The following CHTF8 variants were observed in gnomAD, a reference collection of about 807,000 sequenced individuals.
The protein encoded by CHTF8 is chromosome transmission fidelity protein 8 homolog.
Under a neutral mutation model 11.0 loss-of-function variants are expected in CHTF8, and 6 were observed. The observed-to-expected ratio is 0.55, with a 90% CI of 0.30 to 1.08. The LOEUF (loss-of-function observed/expected upper bound fraction) is 1.08, where lower values mean the gene tolerates loss of function less well. CHTF8 is among the 50% of genes least tolerant of loss of function. The pLI is 0.07. For synonymous variants in CHTF8, 53 were observed against 60.5 expected, an observed-to-expected ratio of 0.88 and a Z score of 0.57; for missense variants, 140 against 153.1, an observed-to-expected ratio of 0.91 and a Z score of 0.45.
chr16:69,119,113 A>G lies in CHTF8; in HGVS notation c.*1312T>C. The G allele has an allele frequency of 1.4e-6, 1 of 703,046 alleles. No individual in the cohort carries two copies. 43.6% of individuals were successfully genotyped at this position (703,046 alleles called of 1,614,324 possible). On this transcript the variant is annotated 3_prime_UTR_variant, in exon 4 of 4. Coordinates refer to ENST00000448552, the MANE Select transcript of CHTF8 (RefSeq NM_001039690.5). ...CCCGGCAGCTGGCCTGGGGAAAGTA[A>G]CTTGACCAGGGCCTAATGGGCCAGT...
Position 69,118,141 on chromosome 16 carries a change from T to TCC in CHTF8, c.*2282_*2283dup. 1 of 219,376 alleles carries TCC rather than the reference T, an allele frequency of 4.6e-6. No individual in the cohort carries two copies. The highest frequency in any genetic ancestry group is 9.3e-6 in the Non-Finnish European group (1 of 107,938). 13.6% of individuals were successfully genotyped at this position (219,376 alleles called of 1,614,324 possible). A position where few individuals can be genotyped will look rare whatever the true frequency, so the allele number is the denominator to read the frequency against. On this transcript the variant is annotated 3_prime_UTR_variant, in exon 4 of 4. Transcript: ENST00000448552. ...CTTCATCCCCCACCCCCACCCTAAT[T>TCC]CCCATATTCCCATCCACATCAGTTT... is the stretch of plus-strand genomic sequence containing the variant.
intron 1 of CHTF8, among the ~76,000 whole-genome samples, chr16:69,121,938 G>T (rs1961703961): frequency 6.6e-6 from 1 of 152,024 alleles, no homozygotes; most frequent in Non-Finnish European, 1.5e-5. Context: ...CAAAGTGCTG[G>T]GATTACAGGT....
chr16:69,121,001 G>A (rs1316498035), intron 3 of CHTF8, 52 bp downstream of exon 3: 1 of 1,473,286 alleles, frequency 6.8e-7, no homozygotes, highest in Admixed American at 1.7e-5. Context: ...GCACCACCTT[G>A]GTGTAGCTTG....
chr16:69,122,651 G>A (rs1036204445), intron 1 of CHTF8, among the ~76,000 whole-genome samples: 2 of 150,724 alleles, frequency 1.3e-5, no homozygotes, highest in Non-Finnish European at 2.9e-5. Flanking sequence ...AGTGATTCTC[G>A]TGCTTCAGCC....
At chr16:69,121,414 TA>T in intron 2 of CHTF8, 21 bp downstream of exon 2, 1 of 1,596,284 alleles carries the variant, frequency 6.3e-7, no homozygotes. Context: ...AGCCAAATTT[TA>T]AAATCTCAAA....
In CHTF8 at chr16:69,120,771, A is replaced by C. The variant is rs1961594244; in HGVS notation, c.142-122T>G. On this transcript the variant is annotated intron_variant, in intron 3 of 3. Transcript: ENST00000448552. This position sits in a 1 kb window ranked among gnomAD's most constrained non-coding sequence, Gnocchi z 4.0. Reference sequence around the variant, plus strand: ...CTCCAATCCCTGGTCTGGCTCTGCCATTGTTGAGCAGCCACACTGGACCAC... The same window carrying C: ...CTCCAATCCCTGGTCTGGCTCTGCCCTTGTTGAGCAGCCACACTGGACCAC... The C allele has an allele frequency of 4.6e-6, 4 of 875,916 alleles. No individual in the cohort carries two copies. The highest frequency in any genetic ancestry group is 7.2e-6 in the Non-Finnish European group (4 of 554,164). The allele number at this position is 875,916 out of a possible 1,614,324, so 54.3% of individuals were successfully genotyped here. A position where few individuals can be genotyped will look rare whatever the true frequency, so the allele number is the denominator to read the frequency against.
chr16:69,128,901 GAAAAATACA>G (rs1215907580), intron 1 of CHTF8, among the ~76,000 whole-genome samples: 1 of 151,612 alleles, frequency 6.6e-6, no homozygotes, highest in Non-Finnish European at 1.5e-5. Flanking sequence ...CAGTTTCTAC[GAAAAATACA>G]AAAATTAGCC....
intron 1 of CHTF8, among the ~76,000 whole-genome samples, chr16:69,124,834 T>C (rs959991648): frequency 2.0e-5 from 3 of 152,316 alleles, no homozygotes; most frequent in Admixed American, 2.0e-4. Context: ...ATCTTCCTTT[T>C]GGATCTGCAG....
intron 1 of CHTF8, among the ~76,000 whole-genome samples, chr16:69,122,376 TTTTTTC>T (rs1961738832): frequency 6.6e-6 from 1 of 151,924 alleles, no homozygotes; most frequent in African/African-American, 2.4e-5. Context: ...TTTTTTTTTT[TTTTTTC>T]TTTTTCTTGA....
At chr16:69,129,988 G>A (rs1239032838) in intron 1 of CHTF8, among the ~76,000 whole-genome samples, 1 of 152,198 alleles carries the variant, frequency 6.6e-6, no homozygotes, top group Non-Finnish European at 1.5e-5. Flanking sequence ...TTTACCCTCT[G>A]CTCCTGAATG....
intron 1 of CHTF8, among the ~76,000 whole-genome samples, chr16:69,125,502 T>C (rs1391254762): frequency 6.6e-6 from 1 of 152,130 alleles, no homozygotes; most frequent in African/African-American, 2.4e-5. Context: ...GGAAAAAAAG[T>C]ATTAATGAGA....
At chr16:69,128,881 T>C (rs1255347205) in intron 1 of CHTF8, among the ~76,000 whole-genome samples, 2 of 151,104 alleles carry the variant, frequency 1.3e-5, no homozygotes, top group African/African-American at 2.4e-5. Context: ...TTGACCAACA[T>C]GGTGAAACCC....
At chr16:69,129,851 AT>A (rs1962367825) in intron 1 of CHTF8, among the ~76,000 whole-genome samples, 1 of 152,220 alleles carries the variant, frequency 6.6e-6, no homozygotes. Flanking sequence ...CCACCAAAGT[AT>A]TATATCTGTG....
In CHTF8 at chr16:69,120,908, G is replaced by A. The variant is rs1326861581; in HGVS notation, c.141+145C>T. 1.2e-6 allele frequency: 1 copy of A among 812,430 alleles called. No homozygotes were observed. The highest frequency in any genetic ancestry group is 1.7e-5 in the African/African-American group (1 of 59,662). 50.3% of individuals were successfully genotyped at this position (812,430 alleles called of 1,614,324 possible). A position where few individuals can be genotyped will look rare whatever the true frequency, so the allele number is the denominator to read the frequency against. On this transcript the variant is annotated intron_variant, in intron 3 of 3. Transcript: ENST00000448552. This position sits in a 1 kb window ranked among gnomAD's most constrained non-coding sequence, Gnocchi z 4.0. ...AAATTTCCCTGCTACTGCAGAGGTA[G>A]GGGGAGAACAAGCAGAGAGCATCGC...
At chr16:69,121,536 A>T in intron 1 of CHTF8, 43 bp from the exon 2 acceptor site, 1 of 1,204,326 alleles carries the variant, frequency 8.3e-7, no homozygotes, top group Non-Finnish European at 1.2e-6. Context: ...AACAACAACA[A>T]CTAATAATGA....
chr16:69,122,539 A>ATTT (rs764144816), intron 1 of CHTF8, among the ~76,000 whole-genome samples: 1,807 of 130,720 alleles, frequency 0.014, 19 homozygotes, highest in Non-Finnish European at 0.019. Flanking sequence ...TACCCAGCTA[A>ATTT]TTTTTTTTTT....
chr16:69,127,483 T>A (rs1022503381), intron 1 of CHTF8, among the ~76,000 whole-genome samples: 1 of 152,068 alleles, frequency 6.6e-6, no homozygotes, highest in African/African-American at 2.4e-5. Flanking sequence ...TGTTCTAAGA[T>A]GGGGCTTGTT....
chr16:69,121,264 G>A (rs1961633594), intron 2 of CHTF8, 94 bp from the exon 3 acceptor site: 1 of 1,318,270 alleles, frequency 7.6e-7, no homozygotes, highest in South Asian at 1.3e-5. Flanking sequence ...GGACCTCTTT[G>A]TTGGATGTCA....
At chr16:69,126,499 C>T (rs1389057333) in intron 1 of CHTF8, among the ~76,000 whole-genome samples, 1 of 152,228 alleles carries the variant, frequency 6.6e-6, no homozygotes, top group Non-Finnish European at 1.5e-5. Flanking sequence ...AGACATCTAG[C>T]AATGCTCCTG....
Sources: gnomAD v4.1 joint callset for allele counts (sites outside exome capture counted in the v4.1 genomes callset) on GRCh38, gnomAD v4.1.1 for gene constraint, Gnocchi (gnomAD v3.1) non-coding constraint, MANE v1.5 for transcripts, NCBI Gene and HGNC (gene_info 2026-07-23, HGNC 2026-07-21) for gene names.